PEAK1: variants seen among roughly 807,000 people sequenced by gnomAD.
PEAK1 encodes inactive tyrosine-protein kinase PEAK1.
Under a neutral mutation model 124.7 loss-of-function variants are expected in PEAK1, and 54 were observed. The ratio of observed to expected loss-of-function variants is 0.43; its 90% confidence interval spans 0.35 to 0.54. The LOEUF (loss-of-function observed/expected upper bound fraction) is 0.54. Ranked by LOEUF, PEAK1 falls within the 20% of genes least tolerant of loss-of-function variation. The probability of loss-of-function intolerance (pLI) is 0.01; values close to 1 mark genes in which losing one functional copy is unlikely to be tolerated. For missense variants in PEAK1, 2,046 were observed against 2,134.5 expected, an observed-to-expected ratio of 0.96 and a Z score of 0.82; for synonymous variants, 719 against 760.0, an observed-to-expected ratio of 0.95 and a Z score of 0.89.
chr15:77,317,529 T>A (rs1456231198), intron 2 of PEAK1, among the ~76,000 whole-genome samples: 1 of 152,176 alleles, frequency 6.6e-6, no homozygotes, highest in Non-Finnish European at 1.5e-5. Context: ...AATTACCTTA[T>A]CAGGGAGACA....
At chr15:77,221,673 A>C (rs1277583781) in intron 6 of PEAK1, among the ~76,000 whole-genome samples, 1 of 152,132 alleles carries the variant, frequency 6.6e-6, no homozygotes, top group African/African-American at 2.4e-5. Flanking sequence ...GCACACTATA[A>C]GAAAACCAGT....
intron 1 of PEAK1, among the ~76,000 whole-genome samples, chr15:77,394,929 T>C (rs191034990): frequency 2.0e-5 from 3 of 152,356 alleles, no homozygotes; most frequent in Admixed American, 2.0e-4. Context: ...TGACTATTAC[T>C]CATTCTATGC....
intron 2 of PEAK1, among the ~76,000 whole-genome samples, chr15:77,287,312 C>T (rs1373926216): frequency 1.3e-5 from 2 of 151,918 alleles, no homozygotes; most frequent in African/African-American, 2.4e-5. Flanking sequence ...TGAAATGATA[C>T]GAATTAAAAA....
In PEAK1 at chr15:77,349,309, G is replaced by A. The variant is rs1004304106; in HGVS notation, c.-603+15854C>T. ...CCGCCTCGGCCTCCCAAAGTGCTGG[G>A]ATTACAGGCGTGAGCCACCGCGCCC... On this transcript the variant is annotated intron_variant, in intron 2 of 9. Transcript: ENST00000682557. 4.4e-6 allele frequency: 4 copies of A among 912,822 alleles called. No individual in the cohort carries two copies. In the African/African-American group the frequency reaches 7.2e-5, roughly 16 times the overall value. The allele number at this position is 912,822 out of a possible 1,614,324, so 56.5% of individuals were successfully genotyped here.
intron 7 of PEAK1, among the ~76,000 whole-genome samples, chr15:77,160,732 T>C (rs1028905155): frequency 9.2e-5 from 14 of 152,146 alleles, no homozygotes; most frequent in Non-Finnish European, 1.5e-4. Context: ...TCCAGACATT[T>C]CCTGCTCTAA....
Position 77,114,469 on chromosome 15 carries a change from C to G in PEAK1, c.4928G>C (p.Ser1643Thr). The G allele has an allele frequency of 6.2e-7, 1 of 1,614,060 alleles. No individual in the cohort carries two copies. Among genetic ancestry groups the G allele is most frequent in the Non-Finnish European group, 8.5e-7 (1 of 1,179,974 alleles). ...AGAAGGGTTGGGATTCAGGAGGCAGCTGGCCAGCTGCTGCAGACCCCGGGA... is the reference window on the plus strand; with the variant it reads ...AGAAGGGTTGGGATTCAGGAGGCAGGTGGCCAGCTGCTGCAGACCCCGGGA... Reference protein sequence around the residue: ...PYSRGLQQLASCLLNPNPSER... With the variant: ...PYSRGLQQLATCLLNPNPSER... Residue 1643 changes from serine (S) to threonine (T), a missense_variant, in exon 10 of 10, where the codon AGC becomes ACC. Physicochemically the swap from Ser to Thr is moderately conservative, Grantham distance 58 (BLOSUM62 1). Transcript: ENST00000682557.
intron 2 of PEAK1, among the ~76,000 whole-genome samples, chr15:77,312,069 TAAAG>T (rs2064503146): frequency 1.3e-5 from 2 of 151,860 alleles, no homozygotes. Context: ...GTAAAGGAAA[TAAAG>T]AAAACGGACC....
intron 8 of PEAK1, among the ~76,000 whole-genome samples, chr15:77,136,111 T>C (rs998267438): frequency 6.6e-6 from 1 of 152,198 alleles, no homozygotes; most frequent in African/African-American, 2.4e-5. Flanking sequence ...GATAGTGATA[T>C]GAACAATAAG....
chr15:77,361,670 T>G (rs1161222376), intron 2 of PEAK1, among the ~76,000 whole-genome samples: 1 of 151,360 alleles, frequency 6.6e-6, no homozygotes, highest in Admixed American at 6.6e-5. Context: ...AGCAAGGAGG[T>G]TCCTCAAAAA....
At chr15:77,368,345 G>A (rs1381950671) in intron 1 of PEAK1, among the ~76,000 whole-genome samples, 3 of 151,864 alleles carry the variant, frequency 2.0e-5, no homozygotes, top group African/African-American at 4.8e-5. Flanking sequence ...ATGAAACCCC[G>A]TCTCTACAAA....
At chr15:77,333,832 G>T in intron 2 of PEAK1, 1 of 680,688 alleles carries the variant, frequency 1.5e-6, no homozygotes, top group Non-Finnish European at 1.8e-6. Context: ...AATATATGGT[G>T]GTGCAATTCC....
chr15:77,347,666 C>A, intron 2 of PEAK1: 1 of 974,688 alleles, frequency 1.0e-6, no homozygotes, highest in Non-Finnish European at 1.2e-6. Flanking sequence ...CAACATAAAA[C>A]AACACCCTCC....
chr15:77,215,749 T>G (rs1453383204), intron 6 of PEAK1, among the ~76,000 whole-genome samples: 1 of 152,192 alleles, frequency 6.6e-6, no homozygotes, highest in Non-Finnish European at 1.5e-5. Flanking sequence ...TTTTTCTTTT[T>G]TTGAGATGGA....
rs574915298 is a variant in PEAK1, at chr15:77,365,634, G to C, written c.-665-409C>G. On this transcript the variant is annotated intron_variant, in intron 1 of 9. Coordinates refer to ENST00000682557, the MANE Select transcript of PEAK1 (RefSeq NM_001385026.1). Reference sequence around the variant, plus strand: ...GTGTGCCTGTAGTCCCACCTACTCGGGAGGCTGAGGCAGGAGAAACGCTTG... The same window carrying C: ...GTGTGCCTGTAGTCCCACCTACTCGCGAGGCTGAGGCAGGAGAAACGCTTG... Among the ~76,000 whole-genome samples, 27 of 151,806 alleles carry C rather than the reference G, an allele frequency of 1.8e-4. No homozygotes were observed. The South Asian group carries it at 4.8e-3, about 27-fold the overall frequency.
intron 1 of PEAK1, among the ~76,000 whole-genome samples, chr15:77,398,550 G>T (rs2141990949): frequency 6.6e-6 from 1 of 151,716 alleles, no homozygotes; most frequent in Non-Finnish European, 1.5e-5. Flanking sequence ...AAAAGCATTT[G>T]CTAAAATTCA....
intron 6 of PEAK1, among the ~76,000 whole-genome samples, chr15:77,244,017 A>C (rs1020846505): frequency 3.9e-5 from 6 of 152,134 alleles, no homozygotes; most frequent in Non-Finnish European, 5.9e-5. Context: ...GGTTGGCAAA[A>C]GTGATCACAT....
At chr15:77,245,033 TC>T (rs201857434) in intron 6 of PEAK1, among the ~76,000 whole-genome samples, 1,681 of 152,212 alleles carry the variant, frequency 0.011, 38 homozygotes, top group African/African-American at 0.038. Context: ...TTCCAATAAT[TC>T]CCCCTACCAC....
Position 77,115,169 on chromosome 15 carries a change from C to T in PEAK1, c.4228G>A (p.Asp1410Asn). ...ATGTCATCCTCATCCTTTTCAGGGT[C>T]ATCTGGATCCTCCCAGGGAAGCAGA... ...NRLLPWEDPD[D>N]PEKDEDDMEE... is the part of the protein sequence containing the mutation. Residue 1410 changes from aspartate (D) to asparagine (N), a missense_variant, in exon 10 of 10, where the codon GAC becomes AAC. Transcript: ENST00000682557. 1 of 1,614,152 alleles carries T rather than the reference C, an allele frequency of 6.2e-7. No individual in the cohort carries two copies. Among genetic ancestry groups the T allele is most frequent in the Admixed American group, 1.7e-5 (1 of 60,024 alleles).
intron 1 of PEAK1, chr15:77,381,477 A>T: frequency 1.0e-6 from 1 of 966,074 alleles, no homozygotes; most frequent in East Asian, 1.2e-4. Flanking sequence ...CTCTAAGAAC[A>T]GTAAAGAAGA....
Sources: gnomAD v4.1 joint callset for allele counts (sites outside exome capture counted in the v4.1 genomes callset) on GRCh38, gnomAD v4.1.1 for gene constraint, MANE v1.5 for transcripts, NCBI Gene and HGNC (gene_info 2026-07-23, HGNC 2026-07-21) for gene names.